Variants in DNMBP observed in about 807,000 individuals in gnomAD.
DNMBP encodes dynamin binding protein.
A neutral mutation model predicts 150.0 loss-of-function variants in DNMBP; 87 were observed. The ratio of observed to expected loss-of-function variants is 0.58; its 90% CI spans 0.49 to 0.69. DNMBP has a LOEUF of 0.69. Ranked by LOEUF, DNMBP falls within the 30% of genes least tolerant of loss-of-function variation. The probability of loss-of-function intolerance (pLI) is 0.00; values close to 1 mark genes in which losing one functional copy is unlikely to be tolerated. For missense variants in DNMBP, 1,774 were observed against 1,949.0 expected, an observed-to-expected ratio of 0.91 and a Z score of 1.69; for synonymous variants, 711 against 750.4, an observed-to-expected ratio of 0.95 and a Z score of 0.86.
Position 99,981,164 on chromosome 10 carries a change from G to C in DNMBP, c.-10-9030C>G, listed in dbSNP as rs576699891. On this transcript the variant is annotated intron_variant, in intron 1 of 16. Transcript: ENST00000324109. ...GTCATAAAACGTGAATGTGAAAGAA[G>C]GCCTGGAGGACTCAGTAATGTTTAT... Among the ~76,000 whole-genome samples, 4 of 152,100 alleles carry C rather than the reference G, an allele frequency of 2.6e-5. No homozygotes were observed. The South Asian group carries it at 8.3e-4, about 32-fold the overall frequency.
chr10:99,939,868 G>A (rs1296023275), intron 4 of DNMBP, among the ~76,000 whole-genome samples: 1 of 152,322 alleles, frequency 6.6e-6, no homozygotes, highest in East Asian at 1.9e-4. Context: ...CTGCCAACCA[G>A]TCCTGTGGTC....
intron 4 of DNMBP, among the ~76,000 whole-genome samples, chr10:99,943,243 C>T (rs2040321836): frequency 6.6e-6 from 1 of 151,878 alleles, no homozygotes; most frequent in Non-Finnish European, 1.5e-5. Flanking sequence ...CGAGATTGCA[C>T]CACTACACTC....
At chr10:99,973,703 G>A (rs1026043862) in intron 1 of DNMBP, among the ~76,000 whole-genome samples, 1 of 152,190 alleles carries the variant, frequency 6.6e-6, no homozygotes, top group African/African-American at 2.4e-5. Context: ...GTTGGGGACT[G>A]GCGCGGTGGC....
rs554106955 is a variant in DNMBP at position 99,876,751 on chromosome 10, C to G, written c.*400G>C. On this transcript the variant is annotated 3_prime_UTR_variant, in exon 17 of 17. Transcript: ENST00000324109. ...TTCATCTGAGTTGGCATCCGGTCAGCTGAGCATGGAACATGGGGCCACCCC... is the reference window on the plus strand; with the variant it reads ...TTCATCTGAGTTGGCATCCGGTCAGGTGAGCATGGAACATGGGGCCACCCC... 6.4e-6 allele frequency: 1 copy of G among 157,286 alleles called. No homozygotes were observed. The highest frequency in any genetic ancestry group is 2.4e-5 in the African/African-American group (1 of 41,762). 9.7% of individuals were successfully genotyped at this position (157,286 alleles called of 1,614,324 possible).
chr10:99,915,610 A>T (rs1216805909), intron 4 of DNMBP, among the ~76,000 whole-genome samples: 1 of 151,958 alleles, frequency 6.6e-6, no homozygotes, highest in Non-Finnish European at 1.5e-5. Context: ...AGCTACTCCG[A>T]AGGCTGAAGT....
At chr10:99,993,065 CATAAAA>C (rs1196568625) in intron 1 of DNMBP, among the ~76,000 whole-genome samples, 2 of 152,086 alleles carry the variant, frequency 1.3e-5, no homozygotes, top group African/African-American at 4.8e-5. Flanking sequence ...AAAGATTCAA[CATAAAA>C]ATAAAAATAA....
chr10:99,935,890 A>G (rs1045958515), intron 4 of DNMBP, among the ~76,000 whole-genome samples: 4 of 152,162 alleles, frequency 2.6e-5, no homozygotes, highest in Non-Finnish European at 5.9e-5. Flanking sequence ...TCAAGAGCAT[A>G]TAAAAATCAA....
chr10:100,005,787 A>AAAAAAAAAAAAAAC (rs1564761728), intron 1 of DNMBP, among the ~76,000 whole-genome samples: 17 of 115,964 alleles, frequency 1.5e-4, no homozygotes, highest in African/African-American at 5.9e-4. Flanking sequence ...AAAAAAAACC[A>AAAAAAAAAAAAAAC]AACTACATAA....
At chr10:100,001,035 G>A (rs557256066) in intron 1 of DNMBP, among the ~76,000 whole-genome samples, 71 of 150,856 alleles carry the variant, frequency 4.7e-4, no homozygotes, top group Admixed American at 1.2e-3. Context: ...TTCAAGACCA[G>A]CCTGGCCAAC....
rs756707511 is a variant in DNMBP, at chr10:99,899,893, G to A, written c.2702+26C>T. Reference sequence around the variant, plus strand: ...ACTTAGAGAACTAAAGAGCTGTAATGGAAGTTAAGTGGTCAAAACTCCTAC... The same window carrying A: ...ACTTAGAGAACTAAAGAGCTGTAATAGAAGTTAAGTGGTCAAAACTCCTAC... On this transcript the variant is annotated intron_variant, in intron 7 of 16. Transcript: ENST00000324109. 7 of 1,613,508 alleles carry A rather than the reference G, an allele frequency of 4.3e-6. No homozygotes were observed. The South Asian group carries it at 6.6e-5, about 15-fold the overall frequency.
chr10:100,004,412 G>A (rs964265786), intron 1 of DNMBP, among the ~76,000 whole-genome samples: 2 of 151,976 alleles, frequency 1.3e-5, no homozygotes, highest in Non-Finnish European at 2.9e-5. Flanking sequence ...ATACTACAAA[G>A]TCACTGTAAT....
rs1428138956 is a variant in DNMBP, at chr10:99,899,179, ACT to A, written c.2703-421_2703-420del. ...ATTCCAGCCTGGACGACAGAGTGAG[ACT>A]CTGTCTCTCCAAAAAATAAAAAAAT... On this transcript the variant is annotated intron_variant, in intron 7 of 16. Coordinates refer to ENST00000324109, the MANE Select transcript of DNMBP (RefSeq NM_015221.4). Among the ~76,000 whole-genome samples the A allele has an allele frequency of 5.9e-5, 9 of 151,616 alleles. No individual in the cohort carries two copies. In the East Asian group the frequency reaches 1.8e-3, roughly 30 times the overall value.
chr10:99,929,014 T>C (rs566328763), intron 4 of DNMBP, among the ~76,000 whole-genome samples: 9 of 152,046 alleles, frequency 5.9e-5, no homozygotes, highest in Admixed American at 1.3e-4. Flanking sequence ...CATGGTGGCA[T>C]GTACCCATAG....
At chr10:99,913,595 T>C (rs2039927766) in intron 4 of DNMBP, among the ~76,000 whole-genome samples, 2 of 152,228 alleles carry the variant, frequency 1.3e-5, no homozygotes, top group Admixed American at 6.5e-5. Flanking sequence ...CTTCCTGTGA[T>C]AAAACAATTA....
intron 4 of DNMBP, chr10:99,929,568 T>C (rs2040122103): frequency 1.6e-6 from 1 of 622,162 alleles, no homozygotes; most frequent in African/African-American, 1.8e-5. Flanking sequence ...TTTAAATCTA[T>C]CTTTATGCTT....
intron 1 of DNMBP, among the ~76,000 whole-genome samples, chr10:99,983,006 T>A (rs948144190): frequency 2.0e-5 from 3 of 151,892 alleles, no homozygotes; most frequent in African/African-American, 7.3e-5. Flanking sequence ...GAACAAAACT[T>A]CTGAAGGGGT....
intron 4 of DNMBP, among the ~76,000 whole-genome samples, chr10:99,933,378 G>A (rs71488037): frequency 3.4e-4 from 52 of 152,314 alleles, no homozygotes; most frequent in African/African-American, 9.9e-4. Context: ...CAGGTTCTAA[G>A]TTGTGTATGT....
At position 99,908,941 on chromosome 10, in the gene DNMBP, C is replaced by T. The variant is rs1255816658; in HGVS notation, c.2454+12G>A. ...ATTCAAGGTCAAACTAACTCTGTCT[C>T]CCAGTTCCCACCTGTGCCTGCTGCA... On this transcript the variant is annotated intron_variant, in intron 5 of 16. Transcript: ENST00000324109. 6.2e-7 allele frequency: 1 copy of T among 1,609,056 alleles called. No individual in the cohort carries two copies. Among genetic ancestry groups the T allele is most frequent in the South Asian group, 1.1e-5 (1 of 90,294 alleles).
chr10:99,898,374 CT>C (rs774217478), intron 8 of DNMBP, 89 bp from the exon 9 acceptor site: 41 of 1,088,802 alleles, frequency 3.8e-5, no homozygotes, highest in Non-Finnish European at 4.6e-5. Context: ...TTAAAAAAAA[CT>C]TTTTTTTAAC....
Sources: gnomAD v4.1 joint callset for allele counts (sites outside exome capture counted in the v4.1 genomes callset) on GRCh38, gnomAD v4.1.1 for gene constraint, MANE v1.5 for transcripts, NCBI Gene and HGNC (gene_info 2026-07-23, HGNC 2026-07-21) for gene names.